Variants in SHISA9 observed in about 807,000 individuals in gnomAD.
SHISA9 encodes protein shisa-9.
SHISA9 carries 13 observed loss-of-function variants against 38.0 expected under a neutral mutation model. The ratio of observed to expected loss-of-function variants is 0.34; its 90% CI spans 0.22 to 0.54. The LOEUF is 0.54. SHISA9 is among the 20% of genes least tolerant of loss of function. SHISA9 has a pLI of 0.91. For missense variants in SHISA9, 538 were observed against 575.8 expected, an observed-to-expected ratio of 0.93 and a Z score of 0.67; for synonymous variants, 275 against 242.0, an observed-to-expected ratio of 1.14 and a Z score of -1.27.
chr16:13,535,779 C>A, the SHISA9 span, among the ~76,000 whole-genome samples: 5 of 152,164 alleles, frequency 3.3e-5, no homozygotes, highest in African/African-American at 1.2e-4. Context: ...GGACACAAAT[C>A]ATATCTTACA....
intron 1 of SHISA9, chr16:12,909,184 TG>T: frequency 1.0e-6 from 1 of 985,868 alleles, no homozygotes; most frequent in Non-Finnish European, 1.2e-6. Flanking sequence ...GACTTCTCTT[TG>T]GGCACTGAGT....
At chr16:13,528,317 A>T in the SHISA9 span, among the ~76,000 whole-genome samples, 2 of 152,254 alleles carry the variant, frequency 1.3e-5, no homozygotes, top group Middle Eastern at 3.4e-3. Context: ...GACTCCCTGC[A>T]ACCCAAAGAG....
intron 2 of SHISA9, among the ~76,000 whole-genome samples, chr16:13,170,533 A>G (rs374347089): frequency 2.0e-5 from 3 of 152,224 alleles, no homozygotes; most frequent in East Asian, 3.8e-4. Flanking sequence ...GCTAATGGAC[A>G]CTGGGCTTAA....
chr16:13,497,101 T>G, the SHISA9 span, among the ~76,000 whole-genome samples: 21 of 152,314 alleles, frequency 1.4e-4, no homozygotes, highest in South Asian at 4.1e-4. Context: ...GAACATCTTG[T>G]CCTGCCAGAT....
chr16:13,335,841 T>C, the SHISA9 span, among the ~76,000 whole-genome samples: 1 of 152,180 alleles, frequency 6.6e-6, no homozygotes, highest in Non-Finnish European at 1.5e-5. Context: ...TCTTGGTGCT[T>C]CTGCCTTGTA....
chr16:13,551,726 G>GA, the SHISA9 span, among the ~76,000 whole-genome samples: 4 of 152,094 alleles, frequency 2.6e-5, no homozygotes, highest in South Asian at 2.1e-4. Flanking sequence ...GTGATCAGGT[G>GA]AAAAAAAAGT....
chr16:13,232,165 CTG>C (rs1487669205), intron 4 of SHISA9, among the ~76,000 whole-genome samples: 1 of 152,206 alleles, frequency 6.6e-6, no homozygotes, highest in African/African-American at 2.4e-5. Flanking sequence ...ATGTGTGACA[CTG>C]TGAGATCCCA....
chr16:13,362,721 C>G, the SHISA9 span, among the ~76,000 whole-genome samples: 1 of 152,228 alleles, frequency 6.6e-6, no homozygotes, highest in Non-Finnish European at 1.5e-5. Context: ...TCTTTCACTT[C>G]TCACATTCCT....
chr16:13,001,455 T>G (rs1221493398), intron 2 of SHISA9, among the ~76,000 whole-genome samples: 1 of 152,154 alleles, frequency 6.6e-6, no homozygotes. Flanking sequence ...TACCTAGACC[T>G]TTGGTTCTGG....
chr16:13,332,510 C>T, the SHISA9 span: 2 of 152,094 alleles, frequency 1.3e-5, no homozygotes, highest in African/African-American at 4.8e-5. Context: ...TAGAGGAGGC[C>T]CCATCCTACC....
At chr16:13,483,762 A>C in the SHISA9 span, among the ~76,000 whole-genome samples, 2 of 152,148 alleles carry the variant, frequency 1.3e-5, no homozygotes, top group Non-Finnish European at 2.9e-5. Flanking sequence ...CTGGGTCCAG[A>C]GATCTTCTGG....
At chr16:13,187,396 A>G (rs1188031865) in intron 2 of SHISA9, among the ~76,000 whole-genome samples, 1 of 138,956 alleles carries the variant, frequency 7.2e-6, no homozygotes, top group African/African-American at 2.7e-5. Flanking sequence ...GTGCAGTGGC[A>G]CAATCTCAGC....
intron 2 of SHISA9, among the ~76,000 whole-genome samples, chr16:13,141,450 G>C (rs1292093969): frequency 6.6e-6 from 1 of 151,998 alleles, no homozygotes; most frequent in African/African-American, 2.4e-5. Context: ...ACTTTGGGAG[G>C]CCAAGGCAAG....
At chr16:13,129,719 G>A (rs1199173013) in intron 2 of SHISA9, among the ~76,000 whole-genome samples, 1 of 152,174 alleles carries the variant, frequency 6.6e-6, no homozygotes, top group Admixed American at 6.5e-5. Context: ...TGCAAGAAAA[G>A]GATGCATCTT....
the SHISA9 span, among the ~76,000 whole-genome samples, chr16:13,500,400 C>T: frequency 6.6e-6 from 1 of 152,116 alleles, no homozygotes; most frequent in Non-Finnish European, 1.5e-5. Flanking sequence ...AGGACTAAAA[C>T]AGTGCTGCTC....
chr16:13,000,374 C>T (rs1386977948), intron 2 of SHISA9, among the ~76,000 whole-genome samples: 2 of 152,098 alleles, frequency 1.3e-5, no homozygotes, highest in Non-Finnish European at 2.9e-5. Flanking sequence ...GACTAAACAA[C>T]GACGTGGTTT....
chr16:13,497,541 C>T, the SHISA9 span, among the ~76,000 whole-genome samples: 3 of 151,788 alleles, frequency 2.0e-5, no homozygotes, highest in Non-Finnish European at 2.9e-5. Flanking sequence ...AAAAATTAGC[C>T]GGGCATGGTG....
At chr16:13,280,505 T>C in the SHISA9 span, among the ~76,000 whole-genome samples, 1 of 151,830 alleles carries the variant, frequency 6.6e-6, no homozygotes, top group East Asian at 1.9e-4. Context: ...TTCATTTTCA[T>C]TTAGTTCAAA....
intron 3 of SHISA9, among the ~76,000 whole-genome samples, chr16:13,206,935 G>A (rs1356001801): frequency 6.6e-6 from 1 of 152,202 alleles, no homozygotes; most frequent in African/African-American, 2.4e-5. Context: ...GTGTAACTGT[G>A]GAAGCCTTCA....
Sources: allele counts gnomAD v4.1 joint callset (sites outside exome capture counted in the v4.1 genomes callset), GRCh38; gene constraint gnomAD v4.1.1; transcripts MANE v1.5; gene names NCBI Gene and HGNC (gene_info 2026-07-23, HGNC 2026-07-21).